The following PCDHA1 variants were observed in gnomAD, a reference collection of about 807,000 sequenced individuals.
PCDHA1 encodes protocadherin alpha-1.
PCDHA1 carries 42 observed loss-of-function variants against 61.3 expected under a neutral mutation model. The observed-to-expected ratio is 0.69, with a 90% confidence interval of 0.54 to 0.89. The LOEUF (loss-of-function observed/expected upper bound fraction) is 0.89, where lower values mean the gene tolerates loss of function less well. Ranked by LOEUF, PCDHA1 falls within the 40% of genes least tolerant of loss-of-function variation. The pLI is 0.00. For synonymous variants in PCDHA1, 610 were observed against 553.8 expected (o/e 1.10, Z -1.43); for missense variants, 1,256 against 1,235.3 (o/e 1.02, Z -0.25).
chr5:140,823,749 G>GACAGCC (rs2150128847), intron 1 of PCDHA1: 2 of 1,613,866 alleles, frequency 1.2e-6, no homozygotes, highest in East Asian at 2.2e-5. Flanking sequence ...AGCCCCCGCT[G>GACAGCC]ACAGCCACAG....
chr5:140,825,737 A>G (rs1768691911), intron 1 of PCDHA1: 1 of 152,398 alleles, frequency 6.6e-6, no homozygotes, highest in Admixed American at 6.5e-5. Context: ...TATTATATTG[A>G]TGAGGAGTAA....
chr5:140,826,315 G>A (rs1050312950), intron 1 of PCDHA1, among the ~76,000 whole-genome samples: 70 of 151,840 alleles, frequency 4.6e-4, no homozygotes, highest in Non-Finnish European at 4.4e-5. Context: ...TTGTTTTGGG[G>A]ATTGTTTTTG....
At chr5:140,909,995 A>G (rs1315885700) in intron 1 of PCDHA1, among the ~76,000 whole-genome samples, 2 of 152,178 alleles carry the variant, frequency 1.3e-5, no homozygotes, top group African/African-American at 4.8e-5. Flanking sequence ...AACAGCATAA[A>G]TTGTTGTCAG....
intron 1 of PCDHA1, chr5:140,801,705 T>A: frequency 6.2e-7 from 1 of 1,614,222 alleles, no homozygotes; most frequent in East Asian, 2.2e-5. Flanking sequence ...GTTGTTGACT[T>A]ACAGTCTTGA....
chr5:141,009,060 G>C (rs1192687086), intron 3 of PCDHA1, among the ~76,000 whole-genome samples: 4 of 152,176 alleles, frequency 2.6e-5, no homozygotes, highest in Non-Finnish European at 5.9e-5. Context: ...AATCACAACT[G>C]TATTCTTTAG....
intron 1 of PCDHA1, chr5:140,809,698 T>A: frequency 8.7e-7 from 1 of 1,155,888 alleles, no homozygotes; most frequent in Non-Finnish European, 1.2e-6. Context: ...ATATCCATTT[T>A]AACTAAAGTC....
At chr5:140,885,016 T>C (rs1554181958) in intron 1 of PCDHA1, among the ~76,000 whole-genome samples, 1 of 152,244 alleles carries the variant, frequency 6.6e-6, no homozygotes. Flanking sequence ...CTAATCGTAA[T>C]CTTAAATTTA....
At chr5:140,852,072 G>A in intron 1 of PCDHA1, 2 of 903,554 alleles carry the variant, frequency 2.2e-6, no homozygotes, top group Non-Finnish European at 2.7e-6. Context: ...TTCTCTTTCA[G>A]CTATTTTATT....
chr5:140,998,059 C>T (rs1471709750), intron 3 of PCDHA1, among the ~76,000 whole-genome samples: 1 of 152,154 alleles, frequency 6.6e-6, no homozygotes, highest in East Asian at 1.9e-4. Context: ...ACATCATCAT[C>T]AACAGACTTA....
chr5:140,863,469 G>A (rs2153224585), intron 1 of PCDHA1: 1 of 498,172 alleles, frequency 2.0e-6, no homozygotes, highest in Non-Finnish European at 4.0e-6. Context: ...TTACTCTGGA[G>A]AGTCGCCTCC....
chr5:140,822,523 T>A, intron 1 of PCDHA1: 1 of 1,613,888 alleles, frequency 6.2e-7, no homozygotes, highest in Non-Finnish European at 8.5e-7. Context: ...TAATGTCAGA[T>A]TGTTGGAAAA....
chr5:140,992,418 A>G (rs2097510878), intron 3 of PCDHA1, among the ~76,000 whole-genome samples: 1 of 152,164 alleles, frequency 6.6e-6, no homozygotes, highest in South Asian at 2.1e-4. Flanking sequence ...CCCCAGGTCT[A>G]AGAATATTGT....
chr5:140,831,995 T>C (rs1371485520), intron 1 of PCDHA1, among the ~76,000 whole-genome samples: 2 of 152,226 alleles, frequency 1.3e-5, no homozygotes, highest in African/African-American at 4.8e-5. Flanking sequence ...ACGGATTCCA[T>C]ATTGTTTTCA....
rs2150455604 is a variant in PCDHA1, at chr5:140,849,875, C to T, written c.2394+61191C>T. The T allele has an allele frequency of 6.9e-5, 111 of 1,598,488 alleles. 9 individuals are homozygous for T. The highest frequency in any genetic ancestry group is 8.0e-5 in the Non-Finnish European group (93 of 1,168,004). On this transcript the variant is annotated intron_variant, in intron 1 of 3. Transcript: ENST00000504120. ...CACCAGCGTTCGCGCAGTCCGAGTA[C>T]ACGGTGTTCGTGAAGGAGAACAACC...
Position 140,871,493 on chromosome 5 carries a change from A to G in PCDHA1, c.2394+82809A>G, listed in dbSNP as rs968230550. 7 of 1,589,034 alleles carry G rather than the reference A, an allele frequency of 4.4e-6. No homozygotes were observed. Among genetic ancestry groups the G allele is most frequent in the Non-Finnish European group, 6.0e-6 (7 of 1,166,200 alleles). Reference sequence around the variant, plus strand: ...GAGCCAGGGTCAAATCACCCCGGACAGGTGAGTTTTCTACAGATTCCACCT... The same window carrying G: ...GAGCCAGGGTCAAATCACCCCGGACGGGTGAGTTTTCTACAGATTCCACCT... On this transcript the variant is annotated intron_variant, in intron 1 of 3. Coordinates refer to ENST00000504120, the MANE Select transcript of PCDHA1 (RefSeq NM_018900.4).
intron 1 of PCDHA1, among the ~76,000 whole-genome samples, chr5:140,906,179 C>G (rs2072430767): frequency 1.3e-5 from 2 of 152,172 alleles, no homozygotes; most frequent in African/African-American, 4.8e-5. Flanking sequence ...TACTTTGCAT[C>G]CTTCAATCCA....
intron 3 of PCDHA1, among the ~76,000 whole-genome samples, chr5:140,987,098 C>A (rs2153859479): frequency 6.6e-6 from 1 of 151,952 alleles, no homozygotes; most frequent in Admixed American, 6.6e-5. Flanking sequence ...CCTGTAATCC[C>A]AGCTACTCGG....
chr5:140,845,146 T>C (rs1001510444), intron 1 of PCDHA1, among the ~76,000 whole-genome samples: 2 of 149,652 alleles, frequency 1.3e-5, no homozygotes, highest in African/African-American at 4.9e-5. Context: ...TTTGAACACA[T>C]TGTGTAAAAG....
At chr5:140,791,654 C>T (rs1290673135) in intron 1 of PCDHA1, among the ~76,000 whole-genome samples, 3 of 152,100 alleles carry the variant, frequency 2.0e-5, no homozygotes, top group Non-Finnish European at 2.9e-5. Context: ...AGACATCTGA[C>T]CGTTAAGCAG....
Sources: gnomAD v4.1 joint callset for allele counts (sites outside exome capture counted in the v4.1 genomes callset) on GRCh38, gnomAD v4.1.1 for gene constraint, MANE v1.5 for transcripts, NCBI Gene and HGNC (gene_info 2026-07-23, HGNC 2026-07-21) for gene names.